RYR2: variants seen among roughly 807,000 people sequenced by gnomAD.
The protein encoded by RYR2 is ryanodine receptor 2, also known as cardiac muscle ryanodine receptor-calcium release channel.
Under a neutral mutation model 601.1 loss-of-function variants are expected in RYR2, and 227 were observed. The ratio of observed to expected loss-of-function variants is 0.38; its 90% CI spans 0.34 to 0.42. The LOEUF is 0.42. Ranked by LOEUF, RYR2 falls within the 10% of genes least tolerant of loss-of-function variation. RYR2 has a pLI of 1.00. For synonymous variants in RYR2, 2,223 were observed against 2,175.1 expected (o/e 1.02, Z -0.61); for missense variants, 4,646 against 6,156.5 (o/e 0.75, Z 8.21).
intron 2 of RYR2, among the ~76,000 whole-genome samples, chr1:237,303,941 G>A (rs1693624703): frequency 6.6e-6 from 1 of 152,094 alleles, no homozygotes; most frequent in Admixed American, 6.6e-5. Flanking sequence ...CCACAGCCTT[G>A]TTTTCCTTTT....
At chr1:237,567,319 C>A (rs947065775) in intron 28 of RYR2, among the ~76,000 whole-genome samples, 2 of 149,684 alleles carry the variant, frequency 1.3e-5, no homozygotes, top group Non-Finnish European at 3.0e-5. Flanking sequence ...GGCGAGGTGC[C>A]TGTAATCCCA....
chr1:237,701,769 C>T (rs919012603), intron 65 of RYR2, among the ~76,000 whole-genome samples: 5 of 151,866 alleles, frequency 3.3e-5, no homozygotes, highest in African/African-American at 1.2e-4. Flanking sequence ...TAAGTGAGGA[C>T]ATGTGATATT....
chr1:237,231,373 C>T (rs1324020800), intron 1 of RYR2, among the ~76,000 whole-genome samples: 2 of 149,858 alleles, frequency 1.3e-5, no homozygotes, highest in African/African-American at 4.9e-5. Context: ...GTTGCCCAGA[C>T]TGGTCTTGAA....
rs1158293764 is a variant in RYR2, at chr1:237,590,061, A to G, written c.3807+60A>G. The stretch of plus-strand genomic sequence containing the variant: ...AAAAGCAGGAAAAGAATATCTTTAT[A>G]CAAAGGAACTTCTGCTTAGACAATT... On this transcript the variant is annotated intron_variant, in intron 30 of 104. Transcript: ENST00000366574. The G allele has an allele frequency of 1.3e-5, 19 of 1,454,106 alleles. No individual in the cohort carries two copies. The East Asian group carries it at 1.6e-4, about 13-fold the overall frequency. 90.1% of individuals were successfully genotyped at this position (1,454,106 alleles called of 1,614,324 possible). A position where few individuals can be genotyped will look rare whatever the true frequency, so the allele number is the denominator to read the frequency against.
chr1:237,364,532 G>A (rs1369447743), intron 5 of RYR2, among the ~76,000 whole-genome samples, 160 bp downstream of exon 5: 1 of 151,610 alleles, frequency 6.6e-6, no homozygotes, highest in Non-Finnish European at 1.5e-5. Flanking sequence ...TACTTTGTAT[G>A]TTTTCTGTAT....
chr1:237,207,013 C>T (rs558999023), intron 1 of RYR2, among the ~76,000 whole-genome samples: 1 of 152,038 alleles, frequency 6.6e-6, no homozygotes, highest in South Asian at 2.1e-4. Context: ...GAATGTGTTT[C>T]CTCTAAAATT....
intron 51 of RYR2, among the ~76,000 whole-genome samples, chr1:237,652,035 A>G (rs544077085): frequency 6.6e-6 from 1 of 152,208 alleles, no homozygotes; most frequent in East Asian, 1.9e-4. Flanking sequence ...GACTCCGTCA[A>G]AAAAAGAAAA....
At chr1:237,805,574 C>CTTTTTTTTTTTTTTTTTTTTTTTTT (rs1553334508) in intron 98 of RYR2, among the ~76,000 whole-genome samples, 4 of 100,446 alleles carry the variant, frequency 4.0e-5, no homozygotes, top group East Asian at 5.6e-4. Flanking sequence ...GAGCTAGACT[C>CTTTTTTTTTTTTTTTTTTTTTTTTT]TGTCTCAAAA....
chr1:237,551,530 CAAAA>C (rs34940458), intron 27 of RYR2, among the ~76,000 whole-genome samples: 2 of 90,544 alleles, frequency 2.2e-5, no homozygotes, highest in Admixed American at 2.8e-4. Context: ...GACTCCGTCT[CAAAA>C]AAAAAAAAAA....
At chr1:237,078,703 G>C (rs1009381572) in intron 1 of RYR2, among the ~76,000 whole-genome samples, 2 of 132,698 alleles carry the variant, frequency 1.5e-5, no homozygotes, top group Admixed American at 1.6e-4. Flanking sequence ...GAGGTACAAG[G>C]AGGAACTGGC....
chr1:237,266,242 A>T (rs1347687033), intron 1 of RYR2, among the ~76,000 whole-genome samples: 1 of 152,138 alleles, frequency 6.6e-6, no homozygotes, highest in Non-Finnish European at 1.5e-5. Flanking sequence ...TTTAATTAAT[A>T]TCTTTATTGT....
chr1:237,240,347 C>A lies in RYR2; in HGVS notation c.49-30150C>A, dbSNP rs117069362. Among the ~76,000 whole-genome samples, 173 of 152,162 alleles carry A rather than the reference C, an allele frequency of 1.1e-3. 3 individuals are homozygous for A. The East Asian group carries it at 0.015, about 13-fold the overall frequency. ...CAAAAAAGTGAATCCAAATATAATT[C>A]TCATTGTGACCCTTGGTTTATATAG... On this transcript the variant is annotated intron_variant, in intron 1 of 104. Coordinates refer to ENST00000366574, the MANE Select transcript of RYR2 (RefSeq NM_001035.3).
intron 1 of RYR2, among the ~76,000 whole-genome samples, chr1:237,051,585 A>C (rs1661288034): frequency 6.6e-6 from 1 of 152,058 alleles, no homozygotes; most frequent in Non-Finnish European, 1.5e-5. Context: ...AACCATTTCT[A>C]GTCAGGAGAT....
chr1:237,798,285 T>C lies in RYR2; in HGVS notation c.14090+115T>C, dbSNP rs558663316. Reference sequence around the variant, plus strand: ...CTTCAATGTCAGAAGAATAGATAGATGAGGAAAACAGAAAGTATATAAAGT... The same window carrying C: ...CTTCAATGTCAGAAGAATAGATAGACGAGGAAAACAGAAAGTATATAAAGT... On this transcript the variant is annotated intron_variant, in intron 97 of 104. Coordinates refer to ENST00000366574, the MANE Select transcript of RYR2 (RefSeq NM_001035.3). 37 of 926,412 alleles carry C rather than the reference T, an allele frequency of 4.0e-5. No homozygotes were observed. The South Asian group carries it at 7.5e-4, about 19-fold the overall frequency. The allele number at this position is 926,412 out of a possible 1,614,324, so 57.4% of individuals were successfully genotyped here.
intron 25 of RYR2, among the ~76,000 whole-genome samples, chr1:237,540,068 G>A (rs1026172505): frequency 2.6e-5 from 4 of 152,034 alleles, no homozygotes; most frequent in Non-Finnish European, 4.4e-5. Context: ...CAAGCAAACA[G>A]TGAAGAGCAC....
chr1:237,433,237 T>C (rs185520419), intron 12 of RYR2, among the ~76,000 whole-genome samples: 11 of 152,124 alleles, frequency 7.2e-5, no homozygotes, highest in African/African-American at 2.6e-4. Flanking sequence ...TTAAAATAAG[T>C]TACAAAGCAC....
intron 1 of RYR2, among the ~76,000 whole-genome samples, chr1:237,214,326 A>G (rs1682934276): frequency 6.6e-6 from 1 of 152,140 alleles, no homozygotes. Flanking sequence ...GGTAATTTCT[A>G]ATGAAAAGAG....
At position 237,660,888 on chromosome 1, in the gene RYR2, C is replaced by T. The variant is rs373172640; in HGVS notation, c.8377C>T (p.Arg2793Trp). ...LAWGWRIERT[R>W]EGDSMALYNR... is the part of the protein sequence containing the mutation. ...TTGGGGCTGGAGAATTGAAAGAACT[C>T]GGGAGGGAGACAGCATGGCCCTTTA... Residue 2793 changes from arginine to tryptophan, a missense_variant, in exon 56 of 105, where the codon CGG (arginine) becomes TGG (tryptophan). Arg to Trp is a moderately radical substitution (Grantham distance 101). Coordinates refer to ENST00000366574, the MANE Select transcript of RYR2 (RefSeq NM_001035.3). 17 of 1,537,726 alleles carry T rather than the reference C, an allele frequency of 1.1e-5. No individual in the cohort carries two copies. Among genetic ancestry groups the T allele is most frequent in the East Asian group, 2.5e-5 (1 of 40,616 alleles).
At chr1:237,151,419 G>A (rs535939490) in intron 1 of RYR2, among the ~76,000 whole-genome samples, 3 of 152,252 alleles carry the variant, frequency 2.0e-5, no homozygotes, top group African/African-American at 7.2e-5. Flanking sequence ...CCCTCAACAT[G>A]TTCTTTGAAT....
Sources: gnomAD v4.1 joint callset for allele counts (sites outside exome capture counted in the v4.1 genomes callset) on GRCh38, gnomAD v4.1.1 for gene constraint, MANE v1.5 for transcripts, NCBI Gene and HGNC (gene_info 2026-07-23, HGNC 2026-07-21) for gene names.